DGKI: variants seen among roughly 807,000 people sequenced by gnomAD.
DGKI encodes diacylglycerol kinase iota.
Under a neutral mutation model 147.5 loss-of-function variants are expected in DGKI, and 55 were observed. The ratio of observed to expected loss-of-function variants is 0.37; its 90% CI spans 0.30 to 0.47. The LOEUF is 0.47. Ranked by LOEUF, DGKI falls within the 20% of genes least tolerant of loss-of-function variation. The pLI is 1.00. For synonymous variants in DGKI, 469 were observed against 477.1 expected (o/e 0.98, Z 0.22); for missense variants, 1,007 against 1,323.8 (o/e 0.76, Z 3.71).
chr7:137,683,908 G>A (rs1040946476), intron 2 of DGKI, among the ~76,000 whole-genome samples: 23 of 152,166 alleles, frequency 1.5e-4, no homozygotes, highest in African/African-American at 5.1e-4. Context: ...TTGCTCAAGT[G>A]CTACCGAAAT....
intron 1 of DGKI, among the ~76,000 whole-genome samples, chr7:137,828,341 C>T (rs1246754106): frequency 1.3e-5 from 2 of 152,156 alleles, no homozygotes; most frequent in African/African-American, 2.4e-5. Context: ...TATTCCATAT[C>T]TATTCTTACA....
intron 1 of DGKI, chr7:137,722,425 G>A (rs568115306): frequency 1.0e-4 from 161 of 1,611,616 alleles, no homozygotes; most frequent in East Asian, 3.6e-4. Context: ...CATTACCCCC[G>A]GGACCATTCT....
rs1442646611 is a variant in DGKI at position 137,390,853 on chromosome 7, A to G, written c.*367T>C. 1 of 234,090 alleles carries G rather than the reference A, an allele frequency of 4.3e-6. No individual in the cohort carries two copies. Among genetic ancestry groups the G allele is most frequent in the Non-Finnish European group, 8.4e-6 (1 of 118,788 alleles). The allele number at this position is 234,090 out of a possible 1,614,324, so 14.5% of individuals were successfully genotyped here. On this transcript the variant is annotated 3_prime_UTR_variant, in exon 33 of 33. Transcript: ENST00000614521. ...AGTAGAATTGTATGGTACAGGGAAA[A>G]AAACCAATGCATAGGGGGAGGATGG... is the stretch of plus-strand genomic sequence containing the variant.
At chr7:137,716,467 A>C (rs1049342147) in intron 1 of DGKI, among the ~76,000 whole-genome samples, 5 of 152,244 alleles carry the variant, frequency 3.3e-5, no homozygotes, top group African/African-American at 1.2e-4. Context: ...ACCAGAAGAC[A>C]GCCGGATCCA....
intron 1 of DGKI, among the ~76,000 whole-genome samples, chr7:137,828,521 A>G (rs1417263985): frequency 1.3e-5 from 2 of 152,180 alleles, no homozygotes; most frequent in Admixed American, 6.5e-5. Flanking sequence ...ATTGAGATGC[A>G]TGTATTTCAT....
At chr7:137,441,369 C>A (rs1585118384) in intron 28 of DGKI, among the ~76,000 whole-genome samples, 1 of 139,406 alleles carries the variant, frequency 7.2e-6, no homozygotes, top group Middle Eastern at 4.5e-3. Flanking sequence ...TGCAGTGAGC[C>A]GAGATCGTGC....
intron 1 of DGKI, among the ~76,000 whole-genome samples, chr7:137,700,180 A>G (rs1823928513): frequency 6.6e-6 from 1 of 152,192 alleles, no homozygotes; most frequent in Admixed American, 6.5e-5. Context: ...TGCCAGTTGT[A>G]TCAGTGAGGT....
intron 1 of DGKI, among the ~76,000 whole-genome samples, chr7:137,724,590 T>TA: frequency 6.6e-6 from 1 of 152,206 alleles, no homozygotes; most frequent in East Asian, 1.9e-4. Flanking sequence ...GAATTGTTGG[T>TA]AAAAAAGAAA....
chr7:137,824,666 T>TA (rs1252687186), intron 1 of DGKI, among the ~76,000 whole-genome samples: 4 of 152,148 alleles, frequency 2.6e-5, no homozygotes, highest in African/African-American at 9.7e-5. Flanking sequence ...ACCCAGGTAT[T>TA]AAGCCTAGTG....
At chr7:137,491,721 A>T (rs1455674080) in intron 21 of DGKI, among the ~76,000 whole-genome samples, 1 of 152,212 alleles carries the variant, frequency 6.6e-6, no homozygotes, top group African/African-American at 2.4e-5. Context: ...TGTTCAAAAC[A>T]TGAAAGAACT....
chr7:137,626,322 GACACACACACACACAC>G (rs111591226), intron 6 of DGKI, among the ~76,000 whole-genome samples: 3,978 of 139,124 alleles, frequency 0.029, 157 homozygotes, highest in African/African-American at 0.096. Flanking sequence ...AAGTGCTTCT[GACACACACACACACAC>G]ACACACACAC....
At chr7:137,542,056 C>G (rs1211933224) in intron 20 of DGKI, among the ~76,000 whole-genome samples, 1 of 152,232 alleles carries the variant, frequency 6.6e-6, no homozygotes, top group South Asian at 2.1e-4. Context: ...AGAAAACAAA[C>G]AGCCCAATTA....
rs955020048 is a variant in DGKI, at chr7:137,571,372, T to C, written c.1836-86A>G. 3.8e-5 allele frequency: 34 copies of C among 895,266 alleles called. No homozygotes were observed. In the African/African-American group the frequency reaches 4.9e-4, roughly 13 times the overall value. The allele number at this position is 895,266 out of a possible 1,614,324, so 55.5% of individuals were successfully genotyped here. ...GGTGTTAGTTTGTAGTTAGACCCAATGTTTATCAAACATAAAAACAGTTTT... is the reference window on the plus strand; with the variant it reads ...GGTGTTAGTTTGTAGTTAGACCCAACGTTTATCAAACATAAAAACAGTTTT... On this transcript the variant is annotated intron_variant, in intron 18 of 32. Coordinates refer to ENST00000614521, the MANE Select transcript of DGKI (RefSeq NM_001321708.2).
chr7:137,395,565 C>A, intron 32 of DGKI, 33 bp downstream of exon 32: 1 of 1,593,776 alleles, frequency 6.3e-7, no homozygotes, highest in African/African-American at 1.3e-5. Context: ...TCTCGCCCAG[C>A]GGGAGGATGT....
chr7:137,803,368 A>G (rs1264691975), intron 1 of DGKI, among the ~76,000 whole-genome samples: 1 of 152,242 alleles, frequency 6.6e-6, no homozygotes, highest in Non-Finnish European at 1.5e-5. Context: ...AATGTTTTCA[A>G]ACAAGAAAGT....
intron 8 of DGKI, among the ~76,000 whole-genome samples, chr7:137,617,124 C>CAAAAAAAAAAAAAAAAAAAAAAAAAAA: frequency 2.1e-5 from 1 of 48,130 alleles, no homozygotes; most frequent in Admixed American, 2.9e-4. Flanking sequence ...TCCCTTTTAC[C>CAAAAAAAAAAAAAAAAAAAAAAAAAAA]AAAAAAAAAA....
At chr7:137,780,740 G>A (rs1796493732) in intron 1 of DGKI, among the ~76,000 whole-genome samples, 1 of 152,132 alleles carries the variant, frequency 6.6e-6, no homozygotes, top group Non-Finnish European at 1.5e-5. Context: ...TTTTAAAAGA[G>A]CTAGACGTTT....
intron 20 of DGKI, among the ~76,000 whole-genome samples, chr7:137,546,211 G>A (rs563721631): frequency 2.6e-5 from 4 of 152,290 alleles, no homozygotes; most frequent in Non-Finnish European, 2.9e-5. Context: ...GTCACAGACC[G>A]GAGCGGGGCC....
intron 32 of DGKI, among the ~76,000 whole-genome samples, chr7:137,393,265 C>T (rs144027829): frequency 1.5e-3 from 227 of 151,994 alleles, no homozygotes; most frequent in African/African-American, 5.3e-3. Context: ...CAACACAAAA[C>T]AGAAAGAAGT....
Sources: allele counts gnomAD v4.1 joint callset (sites outside exome capture counted in the v4.1 genomes callset), GRCh38; gene constraint gnomAD v4.1.1; transcripts MANE v1.5; gene names NCBI Gene and HGNC (gene_info 2026-07-23, HGNC 2026-07-21).